Variants in TAFA1 observed in about 807,000 individuals in gnomAD.
TAFA1 encodes the protein chemokine-like protein TAFA-1.
Under a neutral mutation model 18.5 loss-of-function variants are expected in TAFA1, and 4 were observed. The observed-to-expected ratio is 0.22, with a 90% CI of 0.11 to 0.49. The LOEUF is 0.49. Ranked by LOEUF, TAFA1 falls within the 20% of genes least tolerant of loss-of-function variation. TAFA1 has a pLI of 0.98. For missense variants in TAFA1, 147 were observed against 169.0 expected, an observed-to-expected ratio of 0.87 and a Z score of 0.72; for synonymous variants, 56 against 55.2, an observed-to-expected ratio of 1.01 and a Z score of -0.06.
intron 2 of TAFA1, among the ~76,000 whole-genome samples, chr3:68,220,915 G>A (rs1245772023): frequency 1.3e-5 from 2 of 152,126 alleles, no homozygotes; most frequent in African/African-American, 4.8e-5. Flanking sequence ...CACCACAGAT[G>A]CCTCTGAGGA....
At chr3:68,370,496 A>ACGTG (rs1471499759) in intron 2 of TAFA1, among the ~76,000 whole-genome samples, 3 of 89,888 alleles carry the variant, frequency 3.3e-5, no homozygotes, top group South Asian at 3.9e-4. Flanking sequence ...ATATATATAT[A>ACGTG]TATATATATA....
intron 2 of TAFA1, among the ~76,000 whole-genome samples, chr3:68,289,321 A>G (rs558044221): frequency 9.8e-5 from 15 of 152,320 alleles, no homozygotes; most frequent in Non-Finnish European, 1.9e-4. Context: ...AATGTGGTCC[A>G]ACTTACGACT....
intron 2 of TAFA1, among the ~76,000 whole-genome samples, chr3:68,364,363 A>C (rs1409825057): frequency 1.3e-5 from 2 of 152,182 alleles, no homozygotes; most frequent in African/African-American, 2.4e-5. Context: ...AACTACGATT[A>C]ATGGCAGTTA....
At chr3:68,126,242 C>T (rs577631773) in intron 2 of TAFA1, among the ~76,000 whole-genome samples, 2 of 152,138 alleles carry the variant, frequency 1.3e-5, no homozygotes, top group Non-Finnish European at 2.9e-5. Flanking sequence ...CAGTGCCTAC[C>T]ACAGCATCTG....
intron 2 of TAFA1, among the ~76,000 whole-genome samples, chr3:68,272,484 T>C (rs1349144365): frequency 6.6e-6 from 1 of 152,176 alleles, no homozygotes; most frequent in Non-Finnish European, 1.5e-5. Flanking sequence ...GATGGATGAA[T>C]ATATGGTTAT....
In TAFA1 at chr3:68,340,762, C is replaced by T. The variant is rs1338882970; in HGVS notation, c.119-76518C>T. Among the ~76,000 whole-genome samples the T allele has an allele frequency of 2.6e-5, 4 of 152,118 alleles. No individual in the cohort carries two copies. The East Asian group carries it at 5.8e-4, about 22-fold the overall frequency. ...TACTGAGCATTGATAGGGTCACATG[C>T]CCTGTCTTACATGTTGGGATGGATA... On this transcript the variant is annotated intron_variant, in intron 2 of 4. Transcript: ENST00000478136.
intron 2 of TAFA1, among the ~76,000 whole-genome samples, chr3:68,053,560 T>A (rs747858423): frequency 2.6e-5 from 4 of 152,154 alleles, no homozygotes; most frequent in Non-Finnish European, 4.4e-5. Flanking sequence ...TGCTATGGAA[T>A]CTGCCTCTGC....
chr3:68,084,059 TG>T (rs2106782292), intron 2 of TAFA1, among the ~76,000 whole-genome samples: 1 of 152,292 alleles, frequency 6.6e-6, no homozygotes, highest in Non-Finnish European at 1.5e-5. Flanking sequence ...GTATACCACA[TG>T]GGCTCCTGGC....
At position 68,021,252 on chromosome 3, in the gene TAFA1, T is replaced by A. The variant is rs573640870; in HGVS notation, c.118+14508T>A. 1.5e-3 allele frequency among the ~76,000 whole-genome samples: 205 copies of A among 135,408 alleles called. 2 individuals are homozygous for A. Among genetic ancestry groups the A allele is most frequent in the African/African-American group, 5.2e-3 (188 of 36,068 alleles). 88.8% of individuals were successfully genotyped at this position (135,408 alleles called of 152,430 possible). A position where few individuals can be genotyped will look rare whatever the true frequency, so the allele number is the denominator to read the frequency against. Reference sequence around the variant, plus strand: ...TCTGGTGTCTGTGTGGTGTCACTAATAGGGAAGTTTGATTAATTAATGAAG... The same window carrying A: ...TCTGGTGTCTGTGTGGTGTCACTAAAAGGGAAGTTTGATTAATTAATGAAG... On this transcript the variant is annotated intron_variant, in intron 2 of 4. Transcript: ENST00000478136.
the TAFA1 span, among the ~76,000 whole-genome samples, chr3:67,993,302 G>C: frequency 6.6e-6 from 1 of 152,182 alleles, no homozygotes; most frequent in East Asian, 1.9e-4. Flanking sequence ...GCAAACGAAG[G>C]AGACTCTTAA....
chr3:68,490,218 C>T (rs1309653296), intron 3 of TAFA1, among the ~76,000 whole-genome samples: 1 of 152,102 alleles, frequency 6.6e-6, no homozygotes, highest in East Asian at 1.9e-4. Flanking sequence ...CAAAAGTCTG[C>T]TTAATTCAGT....
chr3:68,081,369 T>A (rs1264816965), intron 2 of TAFA1, among the ~76,000 whole-genome samples: 6 of 152,104 alleles, frequency 3.9e-5, no homozygotes, highest in Non-Finnish European at 2.9e-5. Context: ...CCTGCGTTCC[T>A]TTGGAGGAGG....
chr3:68,225,019 C>T (rs1386101755), intron 2 of TAFA1, among the ~76,000 whole-genome samples: 2 of 145,552 alleles, frequency 1.4e-5, no homozygotes, highest in Admixed American at 7.3e-5. Flanking sequence ...AGCAATTCTT[C>T]TGCCTCAGCC....
chr3:68,105,926 C>T lies in TAFA1; in HGVS notation c.118+99182C>T, dbSNP rs182367110. ...AGGATATGTCAGAAACTGGTGTTGG[C>T]TTGAGAGACAGCCTACTGTAGGTAA... On this transcript the variant is annotated intron_variant, in intron 2 of 4. Coordinates refer to ENST00000478136, the MANE Select transcript of TAFA1 (RefSeq NM_213609.4). Among the ~76,000 whole-genome samples, 345 of 152,238 alleles carry T rather than the reference C, an allele frequency of 2.3e-3. 4 individuals are homozygous for T. The highest frequency in any genetic ancestry group is 8.0e-3 in the African/African-American group (332 of 41,556).
intron 2 of TAFA1, among the ~76,000 whole-genome samples, chr3:68,287,909 G>GA (rs1415438598): frequency 8.6e-6 from 1 of 115,814 alleles, no homozygotes; most frequent in Non-Finnish European, 1.7e-5. Flanking sequence ...GTTTTTGTTG[G>GA]GGGGTGGGGG....
chr3:68,376,567 C>T (rs570294453), intron 2 of TAFA1, among the ~76,000 whole-genome samples: 4 of 152,088 alleles, frequency 2.6e-5, no homozygotes, highest in Admixed American at 6.6e-5. Flanking sequence ...CCATCCATGT[C>T]GCTACAAAGG....
At chr3:68,455,603 C>G (rs1383129689) in intron 3 of TAFA1, among the ~76,000 whole-genome samples, 1 of 152,116 alleles carries the variant, frequency 6.6e-6, no homozygotes, top group African/African-American at 2.4e-5. Flanking sequence ...GTCTGGTGTG[C>G]ATTAGCTCTT....
intron 3 of TAFA1, among the ~76,000 whole-genome samples, chr3:68,506,840 TC>T (rs1442413356): frequency 1.3e-5 from 2 of 152,042 alleles, no homozygotes; most frequent in African/African-American, 4.8e-5. Flanking sequence ...TCATTTCATT[TC>T]ATTTAAATTA....
intron 2 of TAFA1, among the ~76,000 whole-genome samples, chr3:68,297,099 C>T (rs1306538580): frequency 6.6e-6 from 1 of 152,086 alleles, no homozygotes; most frequent in East Asian, 1.9e-4. Context: ...TCAGAGCAAG[C>T]CCAGGTAGCT....
Sources: allele counts gnomAD v4.1 joint callset (sites outside exome capture counted in the v4.1 genomes callset), GRCh38; gene constraint gnomAD v4.1.1; transcripts MANE v1.5; gene names NCBI Gene and HGNC (gene_info 2026-07-23, HGNC 2026-07-21).